Variants in KCNT1 observed in about 807,000 individuals in gnomAD.
KCNT1 encodes the protein potassium channel subfamily T member 1.
In KCNT1, 78 loss-of-function variants were observed where a neutral mutation model predicts 147.8. The ratio of observed to expected loss-of-function variants is 0.53; its 90% CI spans 0.44 to 0.64. The LOEUF (loss-of-function observed/expected upper bound fraction) is 0.64. Ranked by LOEUF, KCNT1 falls within the 30% of genes least tolerant of loss-of-function variation. KCNT1 has a pLI of 0.00. For missense variants in KCNT1, 1,419 were observed against 1,750.3 expected, an observed-to-expected ratio of 0.81 and a Z score of 3.38; for synonymous variants, 867 against 748.8, an observed-to-expected ratio of 1.16 and a Z score of -2.58.
Position 135,778,508 on chromosome 9 carries a change from C to G in KCNT1, c.2594+13C>G. On this transcript the variant is annotated intron_variant, in intron 22 of 30. Coordinates refer to ENST00000371757, the MANE Select transcript of KCNT1 (RefSeq NM_020822.3). ...GCTCTGTGGACAAGTAAGGCGTGGC[C>G]GGCCGAGGCTCGTGGGGGCTCCACA... 1.3e-6 allele frequency: 2 copies of G among 1,586,376 alleles called. No individual in the cohort carries two copies. The highest frequency in any genetic ancestry group is 1.7e-6 in the Non-Finnish European group (2 of 1,166,424).
chr9:135,726,936 C>T (rs202186212), intron 2 of KCNT1, among the ~76,000 whole-genome samples: 1 of 766 alleles, frequency 1.3e-3, no homozygotes, highest in Non-Finnish European at 2.7e-3. Context: ...TCTCTCCCTC[C>T]CTCTCCCTCT....
chr9:135,707,063 T>C (rs867997957), intron 1 of KCNT1, among the ~76,000 whole-genome samples: 70 of 151,068 alleles, frequency 4.6e-4, no homozygotes, highest in Middle Eastern at 3.4e-3. Flanking sequence ...GGCGGGAGGA[T>C]TGTTTGAGGC....
chr9:135,755,113 C>T lies in KCNT1; in HGVS notation c.492-8C>T. On this transcript the variant is annotated splice_region_variant and splice_polypyrimidine_tract_variant and intron_variant, in intron 5 of 30. Transcript: ENST00000371757. ...TGCCCTACTGTGCTGCCTCCTTTCT[C>T]TTCCCAGGGCTCCTATTCTGTGGGT... 1 of 1,609,326 alleles carries T rather than the reference C, an allele frequency of 6.2e-7. No homozygotes were observed. Among genetic ancestry groups the T allele is most frequent in the Middle Eastern group, 1.7e-4 (1 of 6,030 alleles).
intron 2 of KCNT1, among the ~76,000 whole-genome samples, chr9:135,719,389 G>A (rs1018260576): frequency 2.6e-5 from 4 of 152,180 alleles, no homozygotes; most frequent in East Asian, 3.9e-4. Context: ...GTGGAGGTGC[G>A]GCTTCCATCC....
At chr9:135,742,635 C>A in intron 2 of KCNT1, 1 of 668,748 alleles carries the variant, frequency 1.5e-6, no homozygotes, top group Admixed American at 2.2e-5. Context: ...CGTGTCTGTG[C>A]CCCGCCTGGT....
At chr9:135,703,991 G>A (rs1049013443) in intron 1 of KCNT1, among the ~76,000 whole-genome samples, 1 of 152,258 alleles carries the variant, frequency 6.6e-6, no homozygotes, top group African/African-American at 2.4e-5. Flanking sequence ...CGTCAGGCTT[G>A]GGGAGGGAGC....
chr9:135,788,085 CTG>C, intron 29 of KCNT1: 1 of 1,589,354 alleles, frequency 6.3e-7, no homozygotes, highest in South Asian at 1.1e-5. Context: ...GTGCCTCTTT[CTG>C]TGTGTTCTGT....
At position 135,794,670 on chromosome 9, in the gene KCNT1, G is replaced by GTGA. The variant is rs1834726281; in HGVS notation, c.*2510_*2512dup. 6.6e-6 allele frequency: 1 copy of GTGA among 152,268 alleles called. No homozygotes were observed. The highest frequency in any genetic ancestry group is 1.5e-5 in the Non-Finnish European group (1 of 68,064). The allele number at this position is 152,268 out of a possible 1,614,324, so 9.4% of individuals were successfully genotyped here. A position where few individuals can be genotyped will look rare whatever the true frequency, so the allele number is the denominator to read the frequency against. ...CCAGGGGCTGGAACCAGGCAGGTCAGTGACTGTGAGATGCCAGCTGCCAGC... is the reference window on the plus strand; with the variant it reads ...CCAGGGGCTGGAACCAGGCAGGTCAGTGATGACTGTGAGATGCCAGCTGCCAGC... On this transcript the variant is annotated 3_prime_UTR_variant, in exon 31 of 31. Coordinates refer to ENST00000371757, the MANE Select transcript of KCNT1 (RefSeq NM_020822.3).
intron 9 of KCNT1, among the ~76,000 whole-genome samples, chr9:135,758,030 A>AG (rs376495246): frequency 2.9e-5 from 4 of 139,660 alleles, no homozygotes; most frequent in African/African-American, 7.7e-5. Context: ...AGGACAGCAG[A>AG]GGGGGTGCCC....
chr9:135,714,480 G>T lies in KCNT1; in HGVS notation c.111-97G>T. 1.2e-6 allele frequency: 1 copy of T among 857,820 alleles called. No homozygotes were observed. The highest frequency in any genetic ancestry group is 1.4e-6 in the Non-Finnish European group (1 of 717,058). The allele number at this position is 857,820 out of a possible 1,614,324, so 53.1% of individuals were successfully genotyped here. On this transcript the variant is annotated intron_variant, in intron 1 of 30. Transcript: ENST00000371757. The surrounding 1 kb of genome is among the most constrained non-coding windows in gnomAD (Gnocchi z 6.2). ...CCGCCCGGTGGGTCGCGGTGGCCGCGGGCTGCGCTGCGCGGGCCGGGCCTG... is the reference window on the plus strand; with the variant it reads ...CCGCCCGGTGGGTCGCGGTGGCCGCTGGCTGCGCTGCGCGGGCCGGGCCTG...
intron 29 of KCNT1, 167 bp from the exon 30 acceptor site, chr9:135,791,630 C>G (rs1834536278): frequency 3.2e-6 from 2 of 631,826 alleles, no homozygotes; most frequent in African/African-American, 1.8e-5. Flanking sequence ...AGGTGTCGGT[C>G]AGGGATGGGC....
intron 2 of KCNT1, among the ~76,000 whole-genome samples, chr9:135,747,487 C>G (rs368516372): frequency 6.6e-5 from 10 of 152,248 alleles, no homozygotes; most frequent in East Asian, 5.8e-4. Context: ...TGCCTGCCCC[C>G]CTGACATGGC....
rs1402031852 is a variant in KCNT1 at position 135,795,210 on chromosome 9, G to C, written c.*3049G>C. On this transcript the variant is annotated 3_prime_UTR_variant, in exon 31 of 31. Coordinates refer to ENST00000371757, the MANE Select transcript of KCNT1 (RefSeq NM_020822.3). ...GCACTTTGGGAGGCCAAGGCAGGTGGACTGCTTGAGCCCAGGAGTTGAGTT... is the reference window on the plus strand; with the variant it reads ...GCACTTTGGGAGGCCAAGGCAGGTGCACTGCTTGAGCCCAGGAGTTGAGTT... The C allele has an allele frequency of 2.6e-5, 4 of 152,010 alleles. No individual in the cohort carries two copies. The highest frequency in any genetic ancestry group is 5.9e-5 in the Non-Finnish European group (4 of 68,036). 9.4% of individuals were successfully genotyped at this position (152,010 alleles called of 1,614,324 possible).
At position 135,786,335 on chromosome 9, in the gene KCNT1, C is replaced by G. The variant is rs542409033; in HGVS notation, c.3316C>G (p.Arg1106Gly). 3.8e-6 allele frequency: 6 copies of G among 1,594,680 alleles called. No individual in the cohort carries two copies. The highest frequency in any genetic ancestry group is 3.4e-6 in the Non-Finnish European group (4 of 1,172,078). Residue 1106 changes from arginine (R) to glycine (G), a missense_variant, in exon 29 of 31, where the codon CGG becomes GGG. By Grantham distance (125) the Arg-to-Gly change is moderately radical (BLOSUM62 -2). Around this residue, in one of 5 missense-constraint regions of KCNT1, gnomAD observed 306 missense variants for 294.2 expected, o/e 1.04. Coordinates refer to ENST00000371757, the MANE Select transcript of KCNT1 (RefSeq NM_020822.3). ...TGACCCCGCAGAGCACCCACTGCTACGGCGCAAGAGCCTGCAGTGGGCCCG... is the reference window on the plus strand; with the variant it reads ...TGACCCCGCAGAGCACCCACTGCTAGGGCGCAAGAGCCTGCAGTGGGCCCG... Reference protein sequence around the residue: ...GGDPAEHPLLRRKSLQWARRL... With the variant: ...GGDPAEHPLLGRKSLQWARRL...
intron 6 of KCNT1, among the ~76,000 whole-genome samples, chr9:135,755,854 A>T (rs1433929070): frequency 1.3e-5 from 2 of 151,452 alleles, no homozygotes; most frequent in Non-Finnish European, 3.0e-5. Flanking sequence ...GGACAAACCC[A>T]GGCTCAGTGA....
In KCNT1 at chr9:135,727,652, G is replaced by A. The variant is rs139220992; in HGVS notation, c.254+12932G>A. ...TTGAAGGGAGGTGTGGCACCAGGCCGGGTGGTGTCCGCCATGCCAAAGGCC... is the reference window on the plus strand; with the variant it reads ...TTGAAGGGAGGTGTGGCACCAGGCCAGGTGGTGTCCGCCATGCCAAAGGCC... On this transcript the variant is annotated intron_variant, in intron 2 of 30. Transcript: ENST00000371757. Among the ~76,000 whole-genome samples the A allele has an allele frequency of 1.4e-3, 217 of 152,308 alleles. 2 individuals are homozygous for A. Among genetic ancestry groups the A allele is most frequent in the African/African-American group, 1.8e-3 (74 of 41,570 alleles).
At chr9:135,724,480 C>T (rs1411879031) in intron 2 of KCNT1, among the ~76,000 whole-genome samples, 6 of 152,364 alleles carry the variant, frequency 3.9e-5, no homozygotes, top group African/African-American at 7.2e-5. Context: ...CGGCGAGGGG[C>T]GTGGCCAGTC....
Position 135,768,888 on chromosome 9 carries a change from C to G in KCNT1, c.1461C>G (p.Leu487=). 1 of 1,613,584 alleles carries G rather than the reference C, an allele frequency of 6.2e-7. No individual in the cohort carries two copies. Among genetic ancestry groups the G allele is most frequent in the Non-Finnish European group, 8.5e-7 (1 of 1,179,910 alleles). ...AGGACTTCGCCCCCAACTGCCCCCT[C>G]TACGTCCAGATCCTCAAACCTGAAA... The part of the protein sequence containing the change: ...AVKDFAPNCP[L]YVQILKPENK... Residue 487 remains leucine (L), a synonymous_variant, in exon 15 of 31, where the codon CTC becomes CTG. Coordinates refer to ENST00000371757, the MANE Select transcript of KCNT1 (RefSeq NM_020822.3).
intron 20 of KCNT1, 125 bp downstream of exon 20, chr9:135,775,540 C>A: frequency 1.5e-6 from 1 of 667,390 alleles, no homozygotes; most frequent in Non-Finnish European, 2.4e-6. Context: ...AGCACAGCTG[C>A]AAGAATTCTG....
Sources: gnomAD v4.1 joint callset for allele counts (sites outside exome capture counted in the v4.1 genomes callset) on GRCh38, gnomAD v4.1.1 for gene constraint, gnomAD v4.1.1 regional missense constraint, Gnocchi (gnomAD v3.1) non-coding constraint, MANE v1.5 for transcripts, NCBI Gene and HGNC (gene_info 2026-07-23, HGNC 2026-07-21) for gene names.